Variants in ATM observed in about 807,000 individuals in gnomAD.
ATM encodes serine-protein kinase ATM.
A neutral mutation model predicts 387.0 loss-of-function variants in ATM; 308 were observed. That is an observed-to-expected ratio of 0.80 (90% confidence interval 0.73 to 0.87). ATM has a LOEUF of 0.87. Ranked by LOEUF, ATM falls within the 40% of genes least tolerant of loss-of-function variation. ATM has a pLI of 0.00. For missense variants in ATM, 3,312 were observed against 3,560.9 expected, an observed-to-expected ratio of 0.93 and a Z score of 1.78; for synonymous variants, 1,156 against 1,187.3, an observed-to-expected ratio of 0.97 and a Z score of 0.54.
At chr11:108,336,867 T>G (rs2086912036) in intron 56 of ATM, among the ~76,000 whole-genome samples, 1 of 152,060 alleles carries the variant, frequency 6.6e-6, no homozygotes, top group South Asian at 2.1e-4. Context: ...TTTAACCAGT[T>G]TAGAAATAAC....
intron 61 of ATM, among the ~76,000 whole-genome samples, chr11:108,361,352 T>C (rs369109126): frequency 2.0e-5 from 3 of 150,154 alleles, no homozygotes; most frequent in East Asian, 1.9e-4. Flanking sequence ...GAATCAATAT[T>C]GTGAAAATGG....
At position 108,255,706 on chromosome 11, in the gene ATM, G is replaced by A. The variant is rs1450331899; in HGVS notation, c.2125-509G>A. On this transcript the variant is annotated intron_variant, in intron 13 of 62. Coordinates refer to ENST00000675843, the MANE Select transcript of ATM (RefSeq NM_000051.4). ...CTCCCAAAGTGTTGGGGTTGTAGGC[G>A]TGAGCCACCATGCCCGGCCAGCTGT... Among the ~76,000 whole-genome samples, 15 of 152,178 alleles carry A rather than the reference G, an allele frequency of 9.9e-5. 1 individual carries two copies. The highest frequency in any genetic ancestry group is 5.9e-4 in the Admixed American group (9 of 15,280).
intron 27 of ATM, 40 bp from the exon 28 acceptor site, chr11:108,288,937 T>G: frequency 3.7e-6 from 6 of 1,612,904 alleles, no homozygotes; most frequent in Non-Finnish European, 5.1e-6. Flanking sequence ...AACAAAACTT[T>G]TTAAAACGAT....
intron 62 of ATM, 45 bp from the exon 63 acceptor site, chr11:108,365,279 CT>C: frequency 6.2e-7 from 1 of 1,614,126 alleles, no homozygotes. Flanking sequence ...TTCCCAAGGC[CT>C]TTAAACTGTT....
intron 55 of ATM, 170 bp downstream of exon 55, chr11:108,335,279 T>A: frequency 6.7e-7 from 1 of 1,488,056 alleles, no homozygotes; most frequent in Non-Finnish European, 9.0e-7. Context: ...CTTTTCTCCA[T>A]TTTTTTTGTG....
chr11:108,254,592 A>G (rs1306770835), intron 13 of ATM, among the ~76,000 whole-genome samples: 1 of 152,188 alleles, frequency 6.6e-6, no homozygotes, highest in East Asian at 1.9e-4. Flanking sequence ...CTGTGTATTC[A>G]GATCATCCAC....
intron 56 of ATM, chr11:108,340,076 CATAATT>C (rs1364573524): frequency 5.3e-5 from 8 of 152,148 alleles, no homozygotes; most frequent in African/African-American, 1.9e-4. Flanking sequence ...ACATAATAAA[CATAATT>C]ATAATGCAAA....
At chr11:108,268,792 G>A (rs2081410630) in intron 18 of ATM, among the ~76,000 whole-genome samples, 183 bp downstream of exon 18, 1 of 152,202 alleles carries the variant, frequency 6.6e-6, no homozygotes, top group African/African-American at 2.4e-5. Flanking sequence ...TTAAGTGGAT[G>A]CTGAAATATT....
Position 108,235,825 on chromosome 11 carries a change from CAG to C in ATM, c.488_489del (p.Gln163LeufsTer21). 6.2e-7 allele frequency: 1 copy of C among 1,613,742 alleles called. No homozygotes were observed. Among genetic ancestry groups the C allele is most frequent in the South Asian group, 1.1e-5 (1 of 91,074 alleles). On this transcript the variant is annotated frameshift_variant, in exon 5 of 63. Transcript: ENST00000675843. LOFTEE classifies it high-confidence loss of function. The part of the protein sequence containing the change: ...RKYWCEISQQ[Q>X]WLELFSVYFR... Reference sequence around the variant, plus strand: ...ATACTGGTGTGAAATATCTCAGCAACAGTGGTTAGGTATGTTTTGAAGGTTGT... The same window carrying C: ...ATACTGGTGTGAAATATCTCAGCAACTGGTTAGGTATGTTTTGAAGGTTGT...
At chr11:108,330,793 T>C (rs1335241347) in intron 50 of ATM, among the ~76,000 whole-genome samples, 1 of 152,134 alleles carries the variant, frequency 6.6e-6, no homozygotes, top group Non-Finnish European at 1.5e-5. Context: ...ACAGGTGGGT[T>C]TTCCCCCTGC....
rs1555092477 is a variant in ATM, at chr11:108,282,822, ACTTAT to A, written c.3693_3697del (p.Leu1231PhefsTer13). ...CTAAATCTTCAAGATACTGAATACA[ACTTAT>A]CTTCTTTTCCTTTTATTTTATTAAA... On this transcript the variant is annotated frameshift_variant, in exon 25 of 63. Transcript: ENST00000675843. LOFTEE classifies it high-confidence loss of function. 2 of 1,551,298 alleles carry A rather than the reference ACTTAT, an allele frequency of 1.3e-6. No homozygotes were observed. Among genetic ancestry groups the A allele is most frequent in the Non-Finnish European group, 1.8e-6 (2 of 1,124,544 alleles).
intron 60 of ATM, among the ~76,000 whole-genome samples, chr11:108,354,546 T>C (rs993888688): frequency 1.3e-5 from 2 of 152,242 alleles, no homozygotes; most frequent in Admixed American, 6.5e-5. Flanking sequence ...GACTGAGAGC[T>C]GAGCCCAGTG....
rs4988097 is a variant in ATM, at chr11:108,322,304, C to T, written c.6572+884C>T. Among the ~76,000 whole-genome samples the T allele has an allele frequency of 1.3e-3, 196 of 152,038 alleles. 4 individuals are homozygous for T. In the South Asian group the frequency reaches 0.039, roughly 30 times the overall value. ...CGAGTAGCTGGGATTATAGGTGCCC[C>T]GACAATGCCTGGCTAATTTTTCTAC... On this transcript the variant is annotated intron_variant, in intron 45 of 62. Coordinates refer to ENST00000675843, the MANE Select transcript of ATM (RefSeq NM_000051.4).
chr11:108,317,731 A>T (rs1176524673), intron 43 of ATM, among the ~76,000 whole-genome samples: 2 of 148,116 alleles, frequency 1.4e-5, no homozygotes, highest in Non-Finnish European at 3.0e-5. Flanking sequence ...TATATAAAAA[A>T]ATATATAGTA....
intron 23 of ATM, among the ~76,000 whole-genome samples, chr11:108,280,125 A>G (rs972880582): frequency 7.9e-5 from 12 of 152,192 alleles, no homozygotes; most frequent in African/African-American, 2.9e-4. Context: ...TAAGGTAGTT[A>G]AATAACTGTC....
chr11:108,270,924 G>C, intron 18 of ATM, 140 bp from the exon 19 acceptor site: 1 of 725,872 alleles, frequency 1.4e-6, no homozygotes, highest in Admixed American at 2.1e-5. Context: ...TCAAACTCCT[G>C]ACCTTGTGAT....
At chr11:108,292,577 G>A (rs1243668981) in intron 29 of ATM, 42 bp from the exon 30 acceptor site, 1 of 1,599,028 alleles carries the variant, frequency 6.3e-7, no homozygotes, top group Non-Finnish European at 8.6e-7. Context: ...TAATTTTCCA[G>A]AACTTACTGG....
At position 108,307,893 on chromosome 11, in the gene ATM, T is replaced by A. The variant is rs56075338; in HGVS notation, c.5675-4T>A. 8.6e-5 allele frequency: 139 copies of A among 1,611,668 alleles called. 2 individuals carry two copies. In the South Asian group the frequency reaches 1.5e-3, roughly 17 times the overall value. ...GACTGAGGGGAGATATTTTTGTTTG[T>A]CAGAGTCAGAGCACTTTTTCCGATG... is the stretch of plus-strand genomic sequence containing the variant. On this transcript the variant is annotated splice_polypyrimidine_tract_variant and splice_region_variant and intron_variant, in intron 37 of 62. Coordinates refer to ENST00000675843, the MANE Select transcript of ATM (RefSeq NM_000051.4).
chr11:108,363,233 T>C (rs1203537245), intron 61 of ATM, among the ~76,000 whole-genome samples: 1 of 152,230 alleles, frequency 6.6e-6, no homozygotes, highest in African/African-American at 2.4e-5. Context: ...CTTGGATTCA[T>C]TTCTTTTCTT....
Sources: allele counts gnomAD v4.1 joint callset (sites outside exome capture counted in the v4.1 genomes callset), GRCh38; gene constraint gnomAD v4.1.1; transcripts MANE v1.5; gene names NCBI Gene and HGNC (gene_info 2026-07-23, HGNC 2026-07-21).